CA10: variants seen among roughly 807,000 people sequenced by gnomAD.
CA10 encodes the protein carbonic anhydrase 10 (inactive), also known as carbonic anhydrase-related protein 10.
Under a neutral mutation model 44.2 loss-of-function variants are expected in CA10, and 14 were observed. The ratio of observed to expected loss-of-function variants is 0.32; its 90% CI spans 0.21 to 0.50. CA10 has a LOEUF of 0.50. CA10 is among the 20% of genes least tolerant of loss of function. The pLI, the probability that CA10 is intolerant of heterozygous loss-of-function variation, is 0.99. For synonymous variants in CA10, 159 were observed against 141.6 expected, an observed-to-expected ratio of 1.12 and a Z score of -0.87; for missense variants, 350 against 409.7, an observed-to-expected ratio of 0.85 and a Z score of 1.26.
chr17:51,890,906 C>T (rs1270473992), intron 3 of CA10, among the ~76,000 whole-genome samples: 1 of 152,134 alleles, frequency 6.6e-6, no homozygotes, highest in African/African-American at 2.4e-5. Context: ...CTGCTCAGTG[C>T]ACAGCAGACA....
chr17:51,730,247 A>T (rs1201716412), intron 4 of CA10, among the ~76,000 whole-genome samples: 1 of 152,218 alleles, frequency 6.6e-6, no homozygotes, highest in East Asian at 1.9e-4. Flanking sequence ...CACAGTAGGA[A>T]CTCAAATAGG....
At chr17:51,966,166 G>A (rs1435240171) in intron 2 of CA10, among the ~76,000 whole-genome samples, 1 of 151,746 alleles carries the variant, frequency 6.6e-6, no homozygotes, top group African/African-American at 2.4e-5. Flanking sequence ...GGAGGTGAGA[G>A]ATCTCTACAA....
intron 1 of CA10, among the ~76,000 whole-genome samples, chr17:52,096,667 AGATTT>A (rs1988409145): frequency 6.6e-6 from 1 of 152,146 alleles, no homozygotes; most frequent in South Asian, 2.1e-4. Context: ...AAATGTACTA[AGATTT>A]ATTTCTTGAA....
chr17:51,631,622 AAG>A lies in CA10; in HGVS notation c.965-18_965-17del, dbSNP rs1491231078. ...CATTCATTTACTGCAAAGAGAGAGA[AAG>A]AAAAAAAAAATCACACATACAACAT... On this transcript the variant is annotated splice_polypyrimidine_tract_variant and intron_variant, in intron 8 of 8. Transcript: ENST00000451037. 1 of 1,608,748 alleles carries A rather than the reference AAG, an allele frequency of 6.2e-7. No individual in the cohort carries two copies. The highest frequency in any genetic ancestry group is 8.5e-7 in the Non-Finnish European group (1 of 1,176,232).
chr17:52,095,576 T>G (rs1988382250), intron 1 of CA10, among the ~76,000 whole-genome samples: 1 of 152,154 alleles, frequency 6.6e-6, no homozygotes, highest in Admixed American at 6.5e-5. Context: ...ATATGATCTA[T>G]CCATTTTATA....
At chr17:51,686,489 A>C (rs918742345) in intron 4 of CA10, among the ~76,000 whole-genome samples, 10 of 151,986 alleles carry the variant, frequency 6.6e-5, no homozygotes, top group African/African-American at 2.4e-4. Context: ...ACCTCTCCCT[A>C]GCTTAGATCT....
intron 3 of CA10, among the ~76,000 whole-genome samples, chr17:51,860,829 A>G (rs1158195278): frequency 6.6e-6 from 1 of 152,152 alleles, no homozygotes; most frequent in African/African-American, 2.4e-5. Flanking sequence ...TCCAGCAGCC[A>G]TCTTGATACA....
chr17:51,675,662 G>A (rs1467255091), intron 4 of CA10, among the ~76,000 whole-genome samples: 2 of 151,850 alleles, frequency 1.3e-5, no homozygotes, highest in African/African-American at 4.8e-5. Flanking sequence ...GTTGCAGTGA[G>A]CCTAGATTGC....
chr17:51,811,337 C>A (rs181304626), intron 3 of CA10, among the ~76,000 whole-genome samples: 1 of 152,076 alleles, frequency 6.6e-6, no homozygotes, highest in Non-Finnish European at 1.5e-5. Flanking sequence ...ATGTGCACAA[C>A]GTGCAGGTTT....
At chr17:52,108,099 A>G (rs1409855593) in intron 1 of CA10, among the ~76,000 whole-genome samples, 7 of 150,824 alleles carry the variant, frequency 4.6e-5, no homozygotes, top group Non-Finnish European at 8.9e-5. Context: ...GCACTATTCT[A>G]TCAGGCACTT....
At chr17:52,122,532 G>T (rs918790997) in intron 1 of CA10, among the ~76,000 whole-genome samples, 3 of 152,058 alleles carry the variant, frequency 2.0e-5, no homozygotes, top group African/African-American at 7.2e-5. Context: ...TCTTAAATTT[G>T]CACCCAAGGC....
At chr17:51,900,540 G>T (rs563540635) in intron 3 of CA10, among the ~76,000 whole-genome samples, 1 of 152,196 alleles carries the variant, frequency 6.6e-6, no homozygotes, top group African/African-American at 2.4e-5. Flanking sequence ...TCTCACAGAG[G>T]TTCTCTGTAT....
At chr17:51,661,226 GCAGA>G (rs1913995728) in intron 4 of CA10, among the ~76,000 whole-genome samples, 1 of 44,776 alleles carries the variant, frequency 2.2e-5, no homozygotes, top group African/African-American at 9.0e-5. Context: ...CTGTATCAAG[GCAGA>G]AATAAATAAT....
intron 3 of CA10, among the ~76,000 whole-genome samples, chr17:51,879,113 A>G (rs1340022448): frequency 1.3e-5 from 2 of 151,552 alleles, no homozygotes; most frequent in Non-Finnish European, 2.9e-5. Context: ...CCATGATTCA[A>G]TTTATTCAAA....
At chr17:52,057,540 C>T (rs1268409168) in intron 2 of CA10, among the ~76,000 whole-genome samples, 1 of 152,034 alleles carries the variant, frequency 6.6e-6, no homozygotes, top group Non-Finnish European at 1.5e-5. Context: ...TTCCGGTCAA[C>T]CATAGGCTCT....
At chr17:51,988,392 T>G (rs977218981) in intron 2 of CA10, among the ~76,000 whole-genome samples, 41 of 152,034 alleles carry the variant, frequency 2.7e-4, no homozygotes, top group African/African-American at 9.9e-4. Flanking sequence ...GTTTCCAGAA[T>G]GCCCATGAAG....
chr17:51,693,821 T>A (rs139743573), intron 4 of CA10, among the ~76,000 whole-genome samples: 3 of 152,330 alleles, frequency 2.0e-5, no homozygotes, highest in African/African-American at 7.2e-5. Context: ...TGCATGTGTC[T>A]TTTTGGTAGA....
intron 6 of CA10, among the ~76,000 whole-genome samples, chr17:51,644,289 C>T (rs1280735044): frequency 6.6e-6 from 1 of 152,092 alleles, no homozygotes; most frequent in East Asian, 1.9e-4. Flanking sequence ...ATGTGTGCAG[C>T]AGCTCCCTGC....
At chr17:52,092,467 C>T (rs915134856) in intron 1 of CA10, among the ~76,000 whole-genome samples, 2 of 152,210 alleles carry the variant, frequency 1.3e-5, no homozygotes, top group African/African-American at 2.4e-5. Flanking sequence ...AATGAGTCCC[C>T]GTGGACCCCG....
Sources: allele counts gnomAD v4.1 joint callset (sites outside exome capture counted in the v4.1 genomes callset), GRCh38; gene constraint gnomAD v4.1.1; transcripts MANE v1.5; gene names NCBI Gene and HGNC (gene_info 2026-07-23, HGNC 2026-07-21).